AUTS2: variants seen among roughly 807,000 people sequenced by gnomAD.
The protein encoded by AUTS2 is activator of transcription and developmental regulator AUTS2, also known as autism susceptibility gene 2 protein.
Under a neutral mutation model 112.4 loss-of-function variants are expected in AUTS2, and 17 were observed. The ratio of observed to expected loss-of-function variants is 0.15; its 90% CI spans 0.10 to 0.23. The LOEUF (loss-of-function observed/expected upper bound fraction) is 0.23. Ranked by LOEUF, AUTS2 falls within the 10% of genes least tolerant of loss-of-function variation. AUTS2 has a pLI of 1.00. For synonymous variants in AUTS2, 751 were observed against 702.7 expected, an observed-to-expected ratio of 1.07 and a Z score of -1.09; for missense variants, 1,510 against 1,701.6, an observed-to-expected ratio of 0.89 and a Z score of 1.98.
intron 4 of AUTS2, among the ~76,000 whole-genome samples, chr7:70,403,383 C>T (rs1415820216): frequency 6.6e-6 from 1 of 152,218 alleles, no homozygotes; most frequent in East Asian, 1.9e-4. Context: ...CACCTTGGGC[C>T]TGACTGCCAC....
chr7:70,692,487 C>T (rs1808804369), intron 5 of AUTS2, among the ~76,000 whole-genome samples: 1 of 152,232 alleles, frequency 6.6e-6, no homozygotes, highest in Non-Finnish European at 1.5e-5. Context: ...ATGCCGCCTC[C>T]CTGGAGGACC....
At chr7:69,744,194 G>T (rs1332549373) in intron 1 of AUTS2, among the ~76,000 whole-genome samples, 1 of 152,164 alleles carries the variant, frequency 6.6e-6, no homozygotes. Flanking sequence ...ACTACAGTGT[G>T]TTTAGCCGTT....
chr7:69,644,970 G>C (rs1368118127), intron 1 of AUTS2, among the ~76,000 whole-genome samples: 1 of 151,990 alleles, frequency 6.6e-6, no homozygotes, highest in African/African-American at 2.4e-5. Flanking sequence ...GTGCAGTGGT[G>C]CTATTATAGC....
chr7:70,277,477 C>A (rs2129609884), intron 4 of AUTS2, among the ~76,000 whole-genome samples: 1 of 152,210 alleles, frequency 6.6e-6, no homozygotes, highest in African/African-American at 2.4e-5. Context: ...AAGGAAACTG[C>A]ATGTTAAGAT....
chr7:70,128,747 CA>C (rs895250405), intron 3 of AUTS2, among the ~76,000 whole-genome samples: 27 of 152,320 alleles, frequency 1.8e-4, no homozygotes, highest in African/African-American at 6.0e-4. Context: ...TGGCTGGAAA[CA>C]ACAGAAATCT....
At chr7:70,788,627 G>A (rs953790275) in intron 18 of AUTS2, among the ~76,000 whole-genome samples, 10 of 152,200 alleles carry the variant, frequency 6.6e-5, no homozygotes, top group East Asian at 1.9e-4. Flanking sequence ...TCTGGATGGC[G>A]TCAAAATGGC....
At chr7:70,147,349 A>G (rs1807182756) in intron 4 of AUTS2, among the ~76,000 whole-genome samples, 2 of 152,172 alleles carry the variant, frequency 1.3e-5, no homozygotes, top group Non-Finnish European at 2.9e-5. Context: ...AAGAAAATCC[A>G]CAGTTATAGA....
In AUTS2 at chr7:70,095,671, A is replaced by C. The variant is rs191395906; in HGVS notation, c.523-22461A>C. On this transcript the variant is annotated intron_variant, in intron 2 of 18. Transcript: ENST00000342771. The stretch of plus-strand genomic sequence containing the variant: ...TTGGAGAGACAGACAAGAACAAATA[A>C]TAATACAGTTATACACTTAAAATTT... Among the ~76,000 whole-genome samples the C allele has an allele frequency of 2.0e-5, 3 of 152,356 alleles. No homozygotes were observed. The East Asian group carries it at 5.8e-4, about 29-fold the overall frequency.
intron 2 of AUTS2, among the ~76,000 whole-genome samples, chr7:70,064,009 A>G (rs189083802): frequency 1.5e-3 from 223 of 152,364 alleles, no homozygotes; most frequent in African/African-American, 5.2e-3. Context: ...TCTCAGGATC[A>G]GACTAGAAGG....
At chr7:70,232,292 G>A (rs977432957) in intron 4 of AUTS2, among the ~76,000 whole-genome samples, 9 of 152,052 alleles carry the variant, frequency 5.9e-5, no homozygotes, top group Non-Finnish European at 1.2e-4. Flanking sequence ...CCAGTTTGTG[G>A]CTATTATTAA....
intron 6 of AUTS2, among the ~76,000 whole-genome samples, chr7:70,713,890 C>T (rs10249459): frequency 0.017 from 1,381 of 79,814 alleles, 16 homozygotes; most frequent in African/African-American, 0.053. Context: ...AACAAGACTC[C>T]GTCTCAAAAA....
intron 1 of AUTS2, among the ~76,000 whole-genome samples, chr7:69,712,450 C>A (rs1380891467): frequency 6.6e-6 from 1 of 152,000 alleles, no homozygotes; most frequent in Non-Finnish European, 1.5e-5. Context: ...ACACTTCCAA[C>A]AATTACGTGT....
intron 17 of AUTS2, among the ~76,000 whole-genome samples, chr7:70,786,533 C>G (rs1791489255): frequency 6.6e-6 from 1 of 152,158 alleles, no homozygotes; most frequent in Non-Finnish European, 1.5e-5. Context: ...TAGGAGGACT[C>G]TGCAGCTTTC....
chr7:70,468,642 G>A (rs1797258957), intron 5 of AUTS2, among the ~76,000 whole-genome samples: 1 of 152,166 alleles, frequency 6.6e-6, no homozygotes, highest in South Asian at 2.1e-4. Flanking sequence ...TAAAGAGAAA[G>A]GAGTGTTCTG....
intron 5 of AUTS2, among the ~76,000 whole-genome samples, chr7:70,566,107 C>T (rs1045142421): frequency 2.0e-5 from 3 of 152,140 alleles, no homozygotes; most frequent in South Asian, 2.1e-4. Context: ...GCAAAGAATC[C>T]GATCCATTCA....
chr7:70,228,999 CTCTT>C (rs1811912684), intron 4 of AUTS2, among the ~76,000 whole-genome samples: 2 of 151,730 alleles, frequency 1.3e-5, no homozygotes, highest in South Asian at 2.1e-4. Context: ...TATTCTTTCT[CTCTT>C]TCTTTGTGCT....
At chr7:69,731,509 CTAAG>C (rs1268755440) in intron 1 of AUTS2, among the ~76,000 whole-genome samples, 9 of 152,106 alleles carry the variant, frequency 5.9e-5, no homozygotes, top group Non-Finnish European at 1.2e-4. Context: ...ATAGCAAATG[CTAAG>C]TAAGTAGTAG....
At chr7:70,544,091 A>G (rs893017617) in intron 5 of AUTS2, among the ~76,000 whole-genome samples, 2 of 152,222 alleles carry the variant, frequency 1.3e-5, no homozygotes, top group African/African-American at 4.8e-5. Context: ...CGGTTTCTCC[A>G]AAAGGCTCTA....
chr7:69,753,579 G>A (rs1401964043), intron 1 of AUTS2, among the ~76,000 whole-genome samples: 2 of 152,172 alleles, frequency 1.3e-5, no homozygotes, highest in Admixed American at 6.5e-5. Context: ...AAAAGGGGAT[G>A]TGTGAGGGTG....
Sources: gnomAD v4.1 joint callset for allele counts (sites outside exome capture counted in the v4.1 genomes callset) on GRCh38, gnomAD v4.1.1 for gene constraint, MANE v1.5 for transcripts, NCBI Gene and HGNC (gene_info 2026-07-23, HGNC 2026-07-21) for gene names.